The following MTOR variants were observed in gnomAD, a reference collection of about 807,000 sequenced individuals.
The protein encoded by MTOR is serine/threonine-protein kinase mTOR.
MTOR carries 70 observed loss-of-function variants against 319.8 expected under a neutral mutation model. The ratio of observed to expected loss-of-function variants is 0.22; its 90% CI spans 0.18 to 0.27. The LOEUF is 0.27. MTOR is among the 10% of genes least tolerant of loss of function. The pLI, the probability that MTOR is intolerant of heterozygous loss-of-function variation, is 1.00. For missense variants in MTOR, 1,890 were observed against 3,274.4 expected, an observed-to-expected ratio of 0.58 and a Z score of 10.32; for synonymous variants, 1,183 against 1,211.4, an observed-to-expected ratio of 0.98 and a Z score of 0.49.
chr1:11,250,404 C>A (rs1488019781), intron 6 of MTOR, among the ~76,000 whole-genome samples: 1 of 152,224 alleles, frequency 6.6e-6, no homozygotes, highest in African/African-American at 2.4e-5. Flanking sequence ...ATGGTCAATT[C>A]TTAGTCCTCA....
Position 11,127,567 on chromosome 1 carries a change from T to C in MTOR, c.6216+57A>G, listed in dbSNP as rs1642904757. The C allele has an allele frequency of 6.6e-7, 1 of 1,523,934 alleles. No individual in the cohort carries two copies. The allele number at this position is 1,523,934 out of a possible 1,614,324, so 94.4% of individuals were successfully genotyped here. A position where few individuals can be genotyped will look rare whatever the true frequency, so the allele number is the denominator to read the frequency against. On this transcript the variant is annotated intron_variant, in intron 44 of 57. Transcript: ENST00000361445. This position sits in a 1 kb window ranked among gnomAD's most constrained non-coding sequence, Gnocchi z 5.5. ...TAAAAACTTTTCTCATTTCATTTTT[T>C]TTTAGTGGCAGAATATTTCTACAGG...
rs928125592 is a variant in MTOR, at chr1:11,249,864, C to T, written c.841-1770G>A. Among the ~76,000 whole-genome samples the T allele has an allele frequency of 1.6e-3, 241 of 151,448 alleles. 1 individual carries two copies. The highest frequency in any genetic ancestry group is 5.4e-3 in the African/African-American group (222 of 41,402). ...CCATCCGATTTCTCAATCTTTTCCC[C>T]ACCTTTGCCCCCTTTCTATTCCACA... On this transcript the variant is annotated intron_variant, in intron 6 of 57. Coordinates refer to ENST00000361445, the MANE Select transcript of MTOR (RefSeq NM_004958.4).
chr1:11,172,244 T>C (rs1644838425), intron 28 of MTOR, among the ~76,000 whole-genome samples: 1 of 152,072 alleles, frequency 6.6e-6, no homozygotes, highest in African/African-American at 2.4e-5. Flanking sequence ...TATTGAGCAG[T>C]AAGAACATAA....
At chr1:11,142,502 G>A (rs1643761980) in intron 34 of MTOR, among the ~76,000 whole-genome samples, 2 of 151,902 alleles carry the variant, frequency 1.3e-5, no homozygotes, top group South Asian at 2.1e-4. Flanking sequence ...CTCTATGTTG[G>A]CCAGGCTAAG....
chr1:11,120,043 T>C (rs1642425226), intron 49 of MTOR, among the ~76,000 whole-genome samples: 3 of 146,378 alleles, frequency 2.0e-5, no homozygotes, highest in South Asian at 4.3e-4. Flanking sequence ...CAGTGAGACT[T>C]TGTCTCTAAA....
In MTOR at chr1:11,192,345, A is replaced by C. The variant is rs140445130; in HGVS notation, c.4253+6913T>G. The stretch of plus-strand genomic sequence containing the variant: ...GGAGTGTATAAGCTTCCTCCTGATG[A>C]CTTCCTGGGCAGCCCTGAACTGGAG... On this transcript the variant is annotated intron_variant, in intron 28 of 57. Coordinates refer to ENST00000361445, the MANE Select transcript of MTOR (RefSeq NM_004958.4). 3.7e-6 allele frequency: 6 copies of C among 1,613,824 alleles called. No homozygotes were observed. In the African/African-American group the frequency reaches 8.0e-5, roughly 22 times the overall value.
chr1:11,114,640 T>C, intron 52 of MTOR, 173 bp downstream of exon 52: 1 of 1,013,440 alleles, frequency 9.9e-7, no homozygotes, highest in Non-Finnish European at 1.4e-6. Context: ...AGAAGTGAAG[T>C]GGTAAGCCTT....
intron 29 of MTOR, among the ~76,000 whole-genome samples, chr1:11,163,498 T>A (rs1446179441): frequency 6.6e-6 from 1 of 152,134 alleles, no homozygotes; most frequent in Admixed American, 6.6e-5. Context: ...CAGCACCACA[T>A]CGCACTTATT....
chr1:11,233,283 C>A, intron 15 of MTOR, 115 bp downstream of exon 15: 1 of 962,092 alleles, frequency 1.0e-6, no homozygotes, highest in South Asian at 1.5e-5. Context: ...GGCTGGGTTC[C>A]GCAATAAATA....
At chr1:11,150,281 T>TC in intron 30 of MTOR, 55 bp from the exon 31 acceptor site, 1 of 1,486,482 alleles carries the variant, frequency 6.7e-7, no homozygotes, top group South Asian at 1.2e-5. Flanking sequence ...AAACTACCAA[T>TC]CTTCCTCTCC....
intron 14 of MTOR, among the ~76,000 whole-genome samples, chr1:11,233,909 G>A (rs753270817): frequency 2.0e-5 from 3 of 152,150 alleles, no homozygotes; most frequent in Non-Finnish European, 4.4e-5. Flanking sequence ...CTGCGATGAT[G>A]TGCCTGAAGC....
intron 28 of MTOR, chr1:11,192,277 C>A: frequency 6.2e-7 from 1 of 1,613,158 alleles, no homozygotes; most frequent in Non-Finnish European, 8.5e-7. Flanking sequence ...TAGATGCCAT[C>A]TACGACTGCT....
intron 28 of MTOR, chr1:11,192,280 C>T (rs780250364): frequency 2.8e-5 from 45 of 1,613,154 alleles, no homozygotes; most frequent in East Asian, 1.3e-4. Context: ...ATGCCATCTA[C>T]GACTGCTCTT....
chr1:11,149,457 T>C (rs578103430), intron 31 of MTOR: 9 of 152,306 alleles, frequency 5.9e-5, no homozygotes, highest in African/African-American at 2.2e-4. Context: ...GACAGAAGCT[T>C]CTGCACTCCA....
At chr1:11,178,798 G>A (rs988166352) in intron 28 of MTOR, among the ~76,000 whole-genome samples, 4 of 152,204 alleles carry the variant, frequency 2.6e-5, no homozygotes, top group Admixed American at 2.0e-4. Flanking sequence ...GTGATATTTT[G>A]GGTAAAGTCC....
chr1:11,194,671 G>A (rs749047731), intron 28 of MTOR: 2 of 1,614,102 alleles, frequency 1.2e-6, no homozygotes, highest in East Asian at 2.2e-5. Context: ...TGAGATTTGG[G>A]GGGACCGGAA....
chr1:11,113,857 G>A (rs1642020221), intron 53 of MTOR, among the ~76,000 whole-genome samples: 1 of 152,170 alleles, frequency 6.6e-6, no homozygotes, highest in African/African-American at 2.4e-5. Context: ...TGTTGTGGGA[G>A]GGACCTCATG....
rs1033854812 is a variant in MTOR at position 11,141,943 on chromosome 1, G to C, written c.4873-2285C>G. Among the ~76,000 whole-genome samples the C allele has an allele frequency of 3.3e-5, 5 of 151,690 alleles. No individual in the cohort carries two copies. In the East Asian group the frequency reaches 9.7e-4, roughly 30 times the overall value. ...GTGAACTTGGGAGGCGGAGCTTGCA[G>C]TAAGCCGAGATCGTGCCACTGCACT... is the stretch of plus-strand genomic sequence containing the variant. On this transcript the variant is annotated intron_variant, in intron 34 of 57. Transcript: ENST00000361445.
At chr1:11,254,088 T>G (rs970475748) in intron 5 of MTOR, 115 bp from the exon 6 acceptor site, 3 of 1,197,300 alleles carry the variant, frequency 2.5e-6, no homozygotes, top group African/African-American at 3.1e-5. Context: ...GCTCAGTGCC[T>G]AGTGCCAGTC....
Sources: allele counts gnomAD v4.1 joint callset (sites outside exome capture counted in the v4.1 genomes callset), GRCh38; gene constraint gnomAD v4.1.1; non-coding constraint Gnocchi (gnomAD v3.1); transcripts MANE v1.5; gene names NCBI Gene and HGNC (gene_info 2026-07-23, HGNC 2026-07-21).